Variants in DNM3 observed in about 807,000 individuals in gnomAD.
DNM3 encodes dynamin-3.
In DNM3, 47 loss-of-function variants were observed where a neutral mutation model predicts 101.6. That is an observed-to-expected ratio of 0.46 (90% CI 0.37 to 0.59). DNM3 has a LOEUF of 0.59. Among genes scored for constraint, DNM3 ranks in the 20% least tolerant of loss-of-function variants. DNM3 has a pLI of 0.00. For synonymous variants in DNM3, 385 were observed against 387.9 expected (o/e 0.99, Z 0.09); for missense variants, 849 against 1,085.7 (o/e 0.78, Z 3.06).
intron 10 of DNM3, among the ~76,000 whole-genome samples, chr1:172,050,723 C>A (rs1244433640): frequency 6.6e-6 from 1 of 152,132 alleles, no homozygotes; most frequent in East Asian, 1.9e-4. Flanking sequence ...AACTGGAAAT[C>A]ATAGATGAAG....
intron 2 of DNM3, among the ~76,000 whole-genome samples, chr1:171,957,048 G>C (rs991239554): frequency 4.6e-5 from 7 of 152,122 alleles, no homozygotes; most frequent in Non-Finnish European, 7.4e-5. Context: ...ATGGGGGTTG[G>C]GGGGCTGCTG....
chr1:172,336,936 A>C (rs2066459396), intron 17 of DNM3, among the ~76,000 whole-genome samples: 1 of 152,226 alleles, frequency 6.6e-6, no homozygotes, highest in African/African-American at 2.4e-5. Context: ...TAAATGAGTT[A>C]ATATTTGTGA....
chr1:172,382,832 C>A (rs533706928), intron 18 of DNM3, among the ~76,000 whole-genome samples: 52 of 152,162 alleles, frequency 3.4e-4, no homozygotes, highest in African/African-American at 1.1e-3. Context: ...TTTAAAAAAA[C>A]CAAATTTGAA....
At chr1:171,908,234 T>A (rs2038988250) in intron 1 of DNM3, among the ~76,000 whole-genome samples, 1 of 152,206 alleles carries the variant, frequency 6.6e-6, no homozygotes, top group Non-Finnish European at 1.5e-5. Flanking sequence ...ATGCAGGAGA[T>A]AAGATATGAA....
chr1:172,302,687 A>T (rs2064525926), intron 15 of DNM3, among the ~76,000 whole-genome samples: 2 of 152,266 alleles, frequency 1.3e-5, no homozygotes, highest in Non-Finnish European at 2.9e-5. Flanking sequence ...CGGGTCAGAC[A>T]GCAATATTTG....
chr1:172,058,251 C>G (rs534457585), intron 10 of DNM3, among the ~76,000 whole-genome samples: 61 of 152,006 alleles, frequency 4.0e-4, no homozygotes, highest in South Asian at 6.3e-4. Flanking sequence ...TAATGGGAGA[C>G]TTTAACACCC....
chr1:171,870,493 C>CA (rs967782836), intron 1 of DNM3, among the ~76,000 whole-genome samples: 35 of 150,602 alleles, frequency 2.3e-4, no homozygotes, highest in Middle Eastern at 3.4e-3. Flanking sequence ...AACAAACAAA[C>CA]AAAAAAAAAC....
chr1:172,293,724 A>G (rs965250096), intron 15 of DNM3, among the ~76,000 whole-genome samples: 2 of 152,220 alleles, frequency 1.3e-5, no homozygotes, highest in African/African-American at 2.4e-5. Flanking sequence ...AAAATGAAGC[A>G]GCCAAAGCCA....
At chr1:172,296,169 A>G (rs755695710) in intron 15 of DNM3, among the ~76,000 whole-genome samples, 26 of 152,214 alleles carry the variant, frequency 1.7e-4, no homozygotes, top group Non-Finnish European at 2.4e-4. Flanking sequence ...ACTTTGTGAG[A>G]CCTTGGGGTA....
At chr1:172,282,278 A>T (rs2757505) in intron 15 of DNM3, among the ~76,000 whole-genome samples, 9,265 of 152,170 alleles carry the variant, frequency 0.061, 355 homozygotes, top group African/African-American at 0.099. Context: ...TTGTGAACTA[A>T]TCACTTTCTC....
chr1:172,398,233 G>A (rs752984094), intron 20 of DNM3, among the ~76,000 whole-genome samples: 4 of 152,136 alleles, frequency 2.6e-5, no homozygotes, highest in Admixed American at 1.3e-4. Context: ...TTGCACTCTA[G>A]TCCTTCTGAT....
intron 8 of DNM3, among the ~76,000 whole-genome samples, chr1:172,042,850 AG>A (rs1342905260): frequency 6.6e-6 from 1 of 152,164 alleles, no homozygotes; most frequent in Non-Finnish European, 1.5e-5. Flanking sequence ...GGGAAGTTAC[AG>A]GAGGGTTTTA....
At chr1:171,878,379 C>CTT (rs34181872) in intron 1 of DNM3, among the ~76,000 whole-genome samples, 4 of 146,304 alleles carry the variant, frequency 2.7e-5, no homozygotes, top group East Asian at 2.0e-4. Context: ...AAATTCCTTT[C>CTT]TTTTTTTTTT....
At chr1:172,201,301 C>T (rs548125422) in intron 14 of DNM3, among the ~76,000 whole-genome samples, 16 of 152,214 alleles carry the variant, frequency 1.1e-4, no homozygotes, top group African/African-American at 3.6e-4. Context: ...ATCCTCTCCC[C>T]CTTGAGTGCT....
At chr1:172,059,668 A>G (rs2050989087) in intron 10 of DNM3, among the ~76,000 whole-genome samples, 1 of 98,034 alleles carries the variant, frequency 1.0e-5, no homozygotes, top group Non-Finnish European at 1.9e-5. Flanking sequence ...AAAACTCTCA[A>G]TAAATTAGGT....
At chr1:171,858,383 G>T (rs6660011) in intron 1 of DNM3, among the ~76,000 whole-genome samples, 109,786 of 151,922 alleles carry the variant, frequency 0.72, 39,932 homozygotes, top group East Asian at 0.82. Flanking sequence ...CTACTTGTGA[G>T]TCTCCCATCT....
chr1:172,392,394 G>T (rs1161607865), intron 20 of DNM3, among the ~76,000 whole-genome samples: 4 of 148,510 alleles, frequency 2.7e-5, no homozygotes, highest in African/African-American at 9.8e-5. Context: ...CTCTGAAGGG[G>T]CTAAATGCTG....
chr1:172,327,251 C>A (rs1558000803), intron 17 of DNM3, among the ~76,000 whole-genome samples: 1 of 152,116 alleles, frequency 6.6e-6, no homozygotes, highest in African/African-American at 2.4e-5. Flanking sequence ...AGCCTTCATT[C>A]GTGGGAAAAG....
At chr1:172,319,481 A>G (rs1410683489) in intron 16 of DNM3, among the ~76,000 whole-genome samples, 1 of 152,256 alleles carries the variant, frequency 6.6e-6, no homozygotes, top group Non-Finnish European at 1.5e-5. Flanking sequence ...CAACCTTCTC[A>G]TCTGACAAAG....
Sources: gnomAD v4.1 joint callset for allele counts (sites outside exome capture counted in the v4.1 genomes callset) on GRCh38, gnomAD v4.1.1 for gene constraint, MANE v1.5 for transcripts, NCBI Gene and HGNC (gene_info 2026-07-23, HGNC 2026-07-21) for gene names.